Variants in ARMH3 observed in about 807,000 individuals in gnomAD.
ARMH3 encodes the protein armadillo like helical domain containing 3.
In ARMH3, 60 loss-of-function variants were observed where a neutral mutation model predicts 99.1. The observed-to-expected ratio is 0.61, with a 90% CI of 0.49 to 0.75. The LOEUF is 0.75. ARMH3 is among the 30% of genes least tolerant of loss of function. The pLI is 0.00. For synonymous variants in ARMH3, 285 were observed against 292.8 expected, an observed-to-expected ratio of 0.97 and a Z score of 0.27; for missense variants, 679 against 843.1, an observed-to-expected ratio of 0.81 and a Z score of 2.41.
At chr10:101,892,058 G>A (rs1415062711) in intron 23 of ARMH3, among the ~76,000 whole-genome samples, 1 of 152,018 alleles carries the variant, frequency 6.6e-6, no homozygotes, top group East Asian at 1.9e-4. Context: ...GTTTCAGTGA[G>A]CCAAGATTGT....
At chr10:102,051,412 G>T (rs997965624) in intron 1 of ARMH3, among the ~76,000 whole-genome samples, 5 of 151,520 alleles carry the variant, frequency 3.3e-5, no homozygotes, top group African/African-American at 1.2e-4. Flanking sequence ...GGCGGAAGTT[G>T]CAGTGAGCCA....
At chr10:102,001,099 G>A (rs1159023563) in intron 15 of ARMH3, among the ~76,000 whole-genome samples, 2 of 152,128 alleles carry the variant, frequency 1.3e-5, no homozygotes, top group African/African-American at 2.4e-5. Flanking sequence ...TTACAGGCAT[G>A]AGCCACCGTA....
intron 23 of ARMH3, among the ~76,000 whole-genome samples, chr10:101,925,724 C>T (rs1053384068): frequency 4.6e-5 from 7 of 152,110 alleles, no homozygotes; most frequent in South Asian, 4.2e-4. Context: ...GCCTGGCCAA[C>T]ATGGTGAAAT....
intron 20 of ARMH3, among the ~76,000 whole-genome samples, chr10:101,972,179 C>T (rs948499461): frequency 6.6e-6 from 1 of 152,172 alleles, no homozygotes; most frequent in African/African-American, 2.4e-5. Context: ...CATAAGATCA[C>T]ACCTGTAAAT....
At chr10:101,926,699 A>G (rs778328618) in intron 23 of ARMH3, among the ~76,000 whole-genome samples, 16 of 152,358 alleles carry the variant, frequency 1.1e-4, no homozygotes, top group Non-Finnish European at 2.1e-4. Context: ...TATAACTAGT[A>G]GCCAGTATTT....
At chr10:101,884,891 T>A (rs1330608059) in intron 24 of ARMH3, among the ~76,000 whole-genome samples, 1 of 151,598 alleles carries the variant, frequency 6.6e-6, no homozygotes, top group African/African-American at 2.4e-5. Context: ...CAGAATGGAG[T>A]AGAGTATTTG....
At chr10:102,023,587 T>C in intron 7 of ARMH3, 24 bp from the exon 8 acceptor site, 10 of 1,609,988 alleles carry the variant, frequency 6.2e-6, no homozygotes, top group Non-Finnish European at 8.5e-6. Context: ...CAAAAATGCA[T>C]GAGACTGCTA....
chr10:101,967,610 G>A (rs557620272), intron 20 of ARMH3, among the ~76,000 whole-genome samples: 23 of 152,212 alleles, frequency 1.5e-4, no homozygotes, highest in Admixed American at 3.3e-4. Flanking sequence ...GGTGGTGTGC[G>A]CCTGTATTCC....
Position 101,964,701 on chromosome 10 carries a change from G to T in ARMH3, c.1496-6969C>A, listed in dbSNP as rs567311334. On this transcript the variant is annotated intron_variant, in intron 20 of 25. Transcript: ENST00000370033. ...TCAGAATTAGTGTTGCCAGGGTCTG[G>T]CATGAGGGGGAATTAAGAATTATTG... Among the ~76,000 whole-genome samples the T allele has an allele frequency of 8.3e-4, 127 of 152,246 alleles. 1 individual carries two copies. In the South Asian group the frequency reaches 0.017, roughly 20 times the overall value.
At chr10:101,943,682 T>C (rs922384222) in intron 22 of ARMH3, among the ~76,000 whole-genome samples, 1 of 151,624 alleles carries the variant, frequency 6.6e-6, no homozygotes, top group Admixed American at 6.6e-5. Context: ...CAAAAAAATA[T>C]ACGAAGCATA....
chr10:101,876,791 G>C (rs2067277383), intron 24 of ARMH3, among the ~76,000 whole-genome samples: 1 of 151,892 alleles, frequency 6.6e-6, no homozygotes, highest in African/African-American at 2.4e-5. Flanking sequence ...CTGGAAAAAA[G>C]GTGACTAAAA....
rs1233578959 is a variant in ARMH3, at chr10:102,013,974, T to C, written c.720A>G (p.Thr240=). The C allele has an allele frequency of 6.2e-7, 1 of 1,607,624 alleles. No individual in the cohort carries two copies. The highest frequency in any genetic ancestry group is 1.1e-5 in the South Asian group (1 of 90,412). ...CAAGGATCCAGATACTCACATTGAG[T>C]GTGGCCTCATCATCCACGATAGACA... is the stretch of plus-strand genomic sequence containing the variant. ...VKLSIVDDEA[T]LNGMGLVIAQ... Residue 240 remains threonine, a synonymous_variant, in exon 9 of 26, where the codon ACA becomes ACG. Transcript: ENST00000370033.
chr10:101,992,949 A>G (rs940032107), intron 17 of ARMH3, among the ~76,000 whole-genome samples: 2 of 152,022 alleles, frequency 1.3e-5, no homozygotes, highest in Non-Finnish European at 2.9e-5. Flanking sequence ...GCTTAGAACC[A>G]TTTCCTTGCT....
rs749013678 is a variant in ARMH3, at chr10:102,040,133, C to G, written c.-11-8G>C. On this transcript the variant is annotated splice_region_variant and splice_polypyrimidine_tract_variant and intron_variant, in intron 1 of 25. Transcript: ENST00000370033. ...GTGCCATGGTTAGAGAATCTGTGAA[C>G]AGAAAGTCACATTTTAGAATAGTGA... The G allele has an allele frequency of 7.5e-6, 12 of 1,595,882 alleles. No individual in the cohort carries two copies. The highest frequency in any genetic ancestry group is 1.0e-5 in the Non-Finnish European group (12 of 1,163,554).
intron 15 of ARMH3, among the ~76,000 whole-genome samples, chr10:101,998,750 GA>G (rs2066276798): frequency 6.6e-6 from 1 of 152,074 alleles, no homozygotes; most frequent in Non-Finnish European, 1.5e-5. Flanking sequence ...TTAGACTTCT[GA>G]AAACTCTCCA....
chr10:101,956,457 C>T (rs1321938081), intron 22 of ARMH3, 140 bp downstream of exon 22: 14 of 1,109,434 alleles, frequency 1.3e-5, no homozygotes, highest in African/African-American at 9.6e-5. Context: ...TTCCTATTGC[C>T]TGAGAAGAGG....
chr10:102,012,641 T>G (rs2066656818), intron 10 of ARMH3, among the ~76,000 whole-genome samples, 192 bp downstream of exon 10: 1 of 152,196 alleles, frequency 6.6e-6, no homozygotes, highest in Non-Finnish European at 1.5e-5. Flanking sequence ...GGTGGCTACT[T>G]TTCCCCTGGT....
intron 24 of ARMH3, among the ~76,000 whole-genome samples, chr10:101,858,007 G>A (rs887707583): frequency 2.0e-5 from 3 of 152,230 alleles, no homozygotes; most frequent in Non-Finnish European, 4.4e-5. Flanking sequence ...TGATGGCATT[G>A]TAACAATTAT....
chr10:102,000,588 G>C (rs188245134), intron 15 of ARMH3, among the ~76,000 whole-genome samples: 2 of 112,538 alleles, frequency 1.8e-5, no homozygotes, highest in Admixed American at 8.9e-5. Context: ...GCGAAACCCC[G>C]TATCTACAAA....
Sources: allele counts gnomAD v4.1 joint callset (sites outside exome capture counted in the v4.1 genomes callset), GRCh38; gene constraint gnomAD v4.1.1; transcripts MANE v1.5; gene names NCBI Gene and HGNC (gene_info 2026-07-23, HGNC 2026-07-21).